The following NSD1 variants were observed in gnomAD, a reference collection of about 807,000 sequenced individuals.
NSD1 encodes histone-lysine N-methyltransferase, H3 lysine-36 specific.
NSD1 carries 26 observed loss-of-function variants against 242.7 expected under a neutral mutation model. That is an observed-to-expected ratio of 0.11 (90% CI 0.08 to 0.15). The LOEUF is 0.15. NSD1 is among the 10% of genes least tolerant of loss of function. The probability of loss-of-function intolerance (pLI) is 1.00; values close to 1 mark genes in which losing one functional copy is unlikely to be tolerated. For missense variants in NSD1, 2,495 were observed against 3,272.8 expected, an observed-to-expected ratio of 0.76 and a Z score of 5.80; for synonymous variants, 1,106 against 1,178.1, an observed-to-expected ratio of 0.94 and a Z score of 1.25.
At chr5:177,148,875 G>C (rs574298282) in intron 2 of NSD1, among the ~76,000 whole-genome samples, 1 of 152,178 alleles carries the variant, frequency 6.6e-6, no homozygotes, top group Non-Finnish European at 1.5e-5. Flanking sequence ...CTGAAGTGCA[G>C]TGGCACGATC....
Position 177,295,354 on chromosome 5 carries a change from C to T in NSD1, c.7986C>T (p.Cys2662=), listed in dbSNP as rs367780469. ...AGSTQTLAQT[C]WSLGRGQDPK... is the part of the protein sequence containing the mutation. ...GCACACAGACATTGGCACAGACTTG[C>T]TGGTCTCTTGGAAGAGGGCAAGACC... Residue 2662 remains cysteine, a synonymous_variant, in exon 23 of 23, where the codon TGC becomes TGT. Transcript: ENST00000439151. The surrounding 1 kb of genome is among the most constrained non-coding windows in gnomAD (Gnocchi z 4.3). 1 of 1,614,220 alleles carries T rather than the reference C, an allele frequency of 6.2e-7. No homozygotes were observed. The highest frequency in any genetic ancestry group is 8.5e-7 in the Non-Finnish European group (1 of 1,180,040).
chr5:177,195,866 G>T (rs1196689261), intron 3 of NSD1, among the ~76,000 whole-genome samples: 3 of 151,958 alleles, frequency 2.0e-5, no homozygotes, highest in African/African-American at 7.3e-5. Flanking sequence ...GCTAGGTTTT[G>T]GGATTCATTA....
chr5:177,175,689 T>C (rs1327832966), intron 2 of NSD1, among the ~76,000 whole-genome samples: 5 of 152,114 alleles, frequency 3.3e-5, no homozygotes, highest in African/African-American at 9.7e-5. Flanking sequence ...GCAAATAATA[T>C]TATAGCCTTG....
rs1161564727 is a variant in NSD1, at chr5:177,212,081, G to T, written c.3682G>T (p.Asp1228Tyr). 1 of 1,613,996 alleles carries T rather than the reference G, an allele frequency of 6.2e-7. No individual in the cohort carries two copies. Among genetic ancestry groups the T allele is most frequent in the African/African-American group, 1.3e-5 (1 of 74,892 alleles). The change falls in exon 5 of 23, where the codon GAT becomes TAT. Residue 1228 changes from aspartate (D) to tyrosine (Y), a missense_variant. Asp to Tyr is a radical substitution (Grantham distance 160). Transcript: ENST00000439151. ...AGAGCAAAATCATGCTGACTGCTTA[G>T]ATTCAGCTGGGCCACGGTTAAATGT... Reference protein sequence around the residue: ...LTEQNHADCLDSAGPRLNVCD... With the variant: ...LTEQNHADCLYSAGPRLNVCD...
At chr5:177,242,428 A>C (rs929454474) in intron 8 of NSD1, among the ~76,000 whole-genome samples, 1 of 152,244 alleles carries the variant, frequency 6.6e-6, no homozygotes, top group East Asian at 1.9e-4. Context: ...TATTAATATG[A>C]TAAAATGAGC....
intron 13 of NSD1, among the ~76,000 whole-genome samples, chr5:177,258,089 T>C (rs1030268654): frequency 6.8e-6 from 1 of 147,996 alleles, no homozygotes; most frequent in African/African-American, 2.5e-5. Flanking sequence ...CAAGCGATTC[T>C]CCTGTCTCAG....
chr5:177,182,005 A>G (rs1760729726), intron 2 of NSD1, among the ~76,000 whole-genome samples: 2 of 152,032 alleles, frequency 1.3e-5, no homozygotes, highest in Non-Finnish European at 2.9e-5. Context: ...ACAAAAAATT[A>G]GCCAGGCATG....
At chr5:177,197,687 G>A (rs991229497) in intron 3 of NSD1, among the ~76,000 whole-genome samples, 2 of 152,150 alleles carry the variant, frequency 1.3e-5, no homozygotes. Flanking sequence ...CCCTACCTTC[G>A]ACCCCAATAG....
chr5:177,297,998 G>A lies in NSD1; in HGVS notation c.*2539G>A, dbSNP rs1222104692. 1 of 232,800 alleles carries A rather than the reference G, an allele frequency of 4.3e-6. No homozygotes were observed. Among genetic ancestry groups the A allele is most frequent in the Non-Finnish European group, 8.5e-6 (1 of 118,000 alleles). The allele number at this position is 232,800 out of a possible 1,614,324, so 14.4% of individuals were successfully genotyped here. A position where few individuals can be genotyped will look rare whatever the true frequency, so the allele number is the denominator to read the frequency against. On this transcript the variant is annotated 3_prime_UTR_variant, in exon 23 of 23. Coordinates refer to ENST00000439151, the MANE Select transcript of NSD1 (RefSeq NM_022455.5). Reference sequence around the variant, plus strand: ...TTGAATGGGAACTAGAAAACCACTGGAAACTAGAAATTTGAGCTATTGGGC... The same window carrying A: ...TTGAATGGGAACTAGAAAACCACTGAAAACTAGAAATTTGAGCTATTGGGC...
intron 14 of NSD1, chr5:177,265,965 T>G (rs1757407665): frequency 8.7e-7 from 1 of 1,146,074 alleles, no homozygotes; most frequent in Admixed American, 1.7e-5. Context: ...ACCAGCTGTT[T>G]GAGGTCCACC....
At chr5:177,235,385 T>C (rs1181743179) in intron 5 of NSD1, among the ~76,000 whole-genome samples, 1 of 152,220 alleles carries the variant, frequency 6.6e-6, no homozygotes, top group Non-Finnish European at 1.5e-5. Flanking sequence ...TATTACAAAA[T>C]ATGAAAAATT....
At chr5:177,283,093 A>G (rs987573863) in intron 19 of NSD1, among the ~76,000 whole-genome samples, 2 of 152,110 alleles carry the variant, frequency 1.3e-5, no homozygotes, top group African/African-American at 4.8e-5. Context: ...AGCTGGGACT[A>G]CAGGCATCCG....
At chr5:177,180,788 T>C (rs907429091) in intron 2 of NSD1, among the ~76,000 whole-genome samples, 7 of 150,382 alleles carry the variant, frequency 4.7e-5, no homozygotes, top group African/African-American at 1.7e-4. Flanking sequence ...GTTCAAGCGA[T>C]TCTCCTGCCT....
At chr5:177,195,691 A>G (rs1323374826) in intron 3 of NSD1, among the ~76,000 whole-genome samples, 2 of 151,658 alleles carry the variant, frequency 1.3e-5, no homozygotes, top group African/African-American at 4.9e-5. Context: ...CTGGTCTGAA[A>G]CTCCTGGGCT....
chr5:177,265,590 T>C, intron 14 of NSD1: 1 of 1,311,192 alleles, frequency 7.6e-7, no homozygotes. Flanking sequence ...CTGTAGTCTG[T>C]GGAGCAGGAC....
At chr5:177,244,687 A>T (rs1344854466) in intron 9 of NSD1, among the ~76,000 whole-genome samples, 1 of 152,194 alleles carries the variant, frequency 6.6e-6, no homozygotes, top group Non-Finnish European at 1.5e-5. Flanking sequence ...TGCCAATGCC[A>T]TTTATTGATT....
chr5:177,156,849 A>G (rs1758177595), intron 2 of NSD1, among the ~76,000 whole-genome samples: 1 of 152,104 alleles, frequency 6.6e-6, no homozygotes, highest in East Asian at 1.9e-4. Context: ...CCTGGCCAAC[A>G]TGGTGGAACC....
Position 177,300,042 on chromosome 5 carries a change from T to C in NSD1, c.*4583T>C, listed in dbSNP as rs1439686648. ...CGGGGGGATCAGCCAAGGTCCATCA[T>C]TGCTTTTTTGCCGCGCCCCCCCCCC... On this transcript the variant is annotated 3_prime_UTR_variant, in exon 23 of 23. Coordinates refer to ENST00000439151, the MANE Select transcript of NSD1 (RefSeq NM_022455.5). The C allele has an allele frequency of 4.5e-6, 1 of 220,172 alleles. No individual in the cohort carries two copies. Among genetic ancestry groups the C allele is most frequent in the South Asian group, 2.0e-4 (1 of 4,962 alleles). The allele number at this position is 220,172 out of a possible 1,614,324, so 13.6% of individuals were successfully genotyped here.
Position 177,297,036 on chromosome 5 carries a change from A to G in NSD1, c.*1577A>G, listed in dbSNP as rs546731755. On this transcript the variant is annotated 3_prime_UTR_variant, in exon 23 of 23. Coordinates refer to ENST00000439151, the MANE Select transcript of NSD1 (RefSeq NM_022455.5). The stretch of plus-strand genomic sequence containing the variant: ...GTTCTTATTGAGGTTACTCCCATCA[A>G]TTCCACGGAGGGAACAGTAGTTATT... 8.6e-5 allele frequency: 20 copies of G among 233,252 alleles called. No homozygotes were observed. The highest frequency in any genetic ancestry group is 1.3e-3 in the Middle Eastern group (1 of 786). 14.4% of individuals were successfully genotyped at this position (233,252 alleles called of 1,614,324 possible). A position where few individuals can be genotyped will look rare whatever the true frequency, so the allele number is the denominator to read the frequency against.
Sources: gnomAD v4.1 joint callset for allele counts (sites outside exome capture counted in the v4.1 genomes callset) on GRCh38, gnomAD v4.1.1 for gene constraint, Gnocchi (gnomAD v3.1) non-coding constraint, MANE v1.5 for transcripts, NCBI Gene and HGNC (gene_info 2026-07-23, HGNC 2026-07-21) for gene names.